Variants in SV2C observed in about 807,000 individuals in gnomAD.
The protein encoded by SV2C is solute carrier family 22 member B3.
Under a neutral mutation model 79.7 loss-of-function variants are expected in SV2C, and 49 were observed. That is an observed-to-expected ratio of 0.61 (90% CI 0.49 to 0.78). The LOEUF is 0.78. Ranked by LOEUF, SV2C falls within the 30% of genes least tolerant of loss-of-function variation. SV2C has a pLI of 0.00. For synonymous variants in SV2C, 334 were observed against 333.2 expected (o/e 1.00, Z -0.03); for missense variants, 833 against 912.9 (o/e 0.91, Z 1.13).
At chr5:76,002,867 G>GTTTT in the SV2C span, among the ~76,000 whole-genome samples, 2 of 151,248 alleles carry the variant, frequency 1.3e-5, no homozygotes, top group African/African-American at 2.4e-5. Context: ...CTGTGCGTGT[G>GTTTT]TTTTTTTTAA....
chr5:76,096,291 TC>T (rs2112108466), intron 1 of SV2C, among the ~76,000 whole-genome samples: 1 of 152,294 alleles, frequency 6.6e-6, no homozygotes, highest in Non-Finnish European at 1.5e-5. Flanking sequence ...TTATTGGCTT[TC>T]CCTATTCTTC....
the SV2C span, among the ~76,000 whole-genome samples, chr5:76,028,415 G>C: frequency 6.6e-6 from 1 of 152,146 alleles, no homozygotes; most frequent in Non-Finnish European, 1.5e-5. Context: ...TTAGTTAATT[G>C]AACAAATATA....
At chr5:76,177,942 A>G (rs1404540580) in intron 2 of SV2C, among the ~76,000 whole-genome samples, 1 of 152,136 alleles carries the variant, frequency 6.6e-6, no homozygotes, top group Non-Finnish European at 1.5e-5. Flanking sequence ...GATATAGAGG[A>G]GATTTCTCTG....
chr5:76,143,628 C>A (rs1749331333), intron 2 of SV2C, among the ~76,000 whole-genome samples: 1 of 152,194 alleles, frequency 6.6e-6, no homozygotes, highest in African/African-American at 2.4e-5. Flanking sequence ...AGGACTCAGG[C>A]TCTGGTAGTG....
intron 1 of SV2C, among the ~76,000 whole-genome samples, chr5:76,087,543 A>G (rs1231180230): frequency 1.3e-5 from 2 of 152,186 alleles, no homozygotes; most frequent in African/African-American, 2.4e-5. Context: ...TGTGTATATC[A>G]TATTTTTCTG....
the SV2C span, among the ~76,000 whole-genome samples, chr5:76,042,649 A>T: frequency 6.6e-6 from 1 of 152,084 alleles, no homozygotes; most frequent in Non-Finnish European, 1.5e-5. Context: ...CCTGCAAGTG[A>T]CTCACACTTT....
chr5:76,020,731 G>A, the SV2C span, among the ~76,000 whole-genome samples: 3 of 152,146 alleles, frequency 2.0e-5, no homozygotes, highest in Admixed American at 1.3e-4. Flanking sequence ...GCACGGCCAG[G>A]TGACTGCTTT....
At chr5:75,859,235 C>T in the SV2C span, among the ~76,000 whole-genome samples, 3 of 152,020 alleles carry the variant, frequency 2.0e-5, no homozygotes, top group African/African-American at 4.8e-5. Context: ...TATATTGCAT[C>T]GATGAAGTCA....
chr5:75,994,664 T>G, the SV2C span, among the ~76,000 whole-genome samples: 1 of 152,090 alleles, frequency 6.6e-6, no homozygotes, highest in African/African-American at 2.4e-5. Context: ...CTCCTATCTT[T>G]CTCCAGAAAG....
chr5:75,910,964 C>A, the SV2C span: 2 of 911,084 alleles, frequency 2.2e-6, no homozygotes, highest in Non-Finnish European at 1.8e-6. Flanking sequence ...AGTCATTTAT[C>A]CCCCAGTTCG....
intron 4 of SV2C, among the ~76,000 whole-genome samples, chr5:76,284,155 A>G (rs891957083): frequency 6.6e-6 from 1 of 152,196 alleles, no homozygotes; most frequent in African/African-American, 2.4e-5. Context: ...TTTTATATTC[A>G]TTTGAATGGA....
chr5:75,906,827 A>AC, the SV2C span, among the ~76,000 whole-genome samples: 2 of 151,782 alleles, frequency 1.3e-5, no homozygotes, highest in Admixed American at 6.6e-5. Flanking sequence ...TTTGCACCCC[A>AC]CCCCCATGGA....
At chr5:75,982,357 A>T in the SV2C span, among the ~76,000 whole-genome samples, 2 of 152,172 alleles carry the variant, frequency 1.3e-5, no homozygotes, top group Non-Finnish European at 2.9e-5. Context: ...ACAATCATAT[A>T]AAAAAAGTTC....
At chr5:75,921,024 T>A in the SV2C span, 5 of 720,336 alleles carry the variant, frequency 6.9e-6, no homozygotes, top group East Asian at 9.9e-5. Context: ...TTCTCATCCC[T>A]AATCACCACC....
chr5:75,888,582 C>T, the SV2C span, among the ~76,000 whole-genome samples: 1 of 152,030 alleles, frequency 6.6e-6, no homozygotes, highest in Non-Finnish European at 1.5e-5. Context: ...TCATTCTCAG[C>T]CTTTAGGTCT....
At chr5:75,879,841 C>G in the SV2C span, among the ~76,000 whole-genome samples, 5 of 152,234 alleles carry the variant, frequency 3.3e-5, no homozygotes, top group Non-Finnish European at 7.3e-5. Context: ...GGTTCTGCCT[C>G]TGTGGCTGGC....
At chr5:76,144,961 G>A (rs1749374082) in intron 2 of SV2C, among the ~76,000 whole-genome samples, 1 of 152,236 alleles carries the variant, frequency 6.6e-6, no homozygotes, top group South Asian at 2.1e-4. Flanking sequence ...TAGAATTGGA[G>A]AGAATGGACC....
At chr5:75,922,305 GTTA>G in the SV2C span, among the ~76,000 whole-genome samples, 2 of 152,018 alleles carry the variant, frequency 1.3e-5, no homozygotes, top group African/African-American at 4.8e-5. Flanking sequence ...TAACTCAGCT[GTTA>G]TTATGCTCAA....
rs1173287646 is a variant in SV2C at position 76,333,002 on chromosome 5, T to C, written c.*7455T>C. The C allele has an allele frequency of 6.6e-6, 1 of 152,240 alleles. No homozygotes were observed. Among genetic ancestry groups the C allele is most frequent in the East Asian group, 1.9e-4 (1 of 5,202 alleles). The allele number at this position is 152,240 out of a possible 1,614,324, so 9.4% of individuals were successfully genotyped here. A position where few individuals can be genotyped will look rare whatever the true frequency, so the allele number is the denominator to read the frequency against. On this transcript the variant is annotated 3_prime_UTR_variant, in exon 13 of 13. Coordinates refer to ENST00000502798, the MANE Select transcript of SV2C (RefSeq NM_014979.4). ...ACCCAGTACAGAGAATCCACTGTTA[T>C]CTATGGGTGTCATTCCTTCAGAAAG... is the stretch of plus-strand genomic sequence containing the variant.
Sources: gnomAD v4.1 joint callset for allele counts (sites outside exome capture counted in the v4.1 genomes callset) on GRCh38, gnomAD v4.1.1 for gene constraint, MANE v1.5 for transcripts, NCBI Gene and HGNC (gene_info 2026-07-23, HGNC 2026-07-21) for gene names.